CNTNAP5: variants seen among roughly 807,000 people sequenced by gnomAD.
CNTNAP5 encodes the protein contactin associated protein family member 5.
CNTNAP5 carries 72 observed loss-of-function variants against 150.2 expected under a neutral mutation model. The ratio of observed to expected loss-of-function variants is 0.48; its 90% confidence interval spans 0.40 to 0.58. The LOEUF (loss-of-function observed/expected upper bound fraction) is 0.58. CNTNAP5 is among the 20% of genes least tolerant of loss of function. The pLI is 0.00. For missense variants in CNTNAP5, 1,636 were observed against 1,626.2 expected (o/e 1.01, Z -0.10); for synonymous variants, 672 against 619.8 (o/e 1.08, Z -1.25).
intron 1 of CNTNAP5, among the ~76,000 whole-genome samples, chr2:124,081,351 A>AG (rs1205818823): frequency 1.3e-5 from 2 of 152,080 alleles, no homozygotes; most frequent in Non-Finnish European, 2.9e-5. Flanking sequence ...ATCTGTGAAC[A>AG]TTTTTCTTCC....
intron 12 of CNTNAP5, among the ~76,000 whole-genome samples, chr2:124,642,458 C>T (rs1360503130): frequency 2.6e-5 from 4 of 152,088 alleles, no homozygotes; most frequent in African/African-American, 9.7e-5. Flanking sequence ...CGAAGCCATC[C>T]AGAAGTGCTA....
At chr2:124,678,425 A>G (rs916315307) in intron 13 of CNTNAP5, among the ~76,000 whole-genome samples, 5 of 151,458 alleles carry the variant, frequency 3.3e-5, no homozygotes, top group African/African-American at 4.8e-5. Context: ...ACCTAACTAC[A>G]TGTTTCAGGT....
At chr2:124,587,465 A>C (rs1390575650) in intron 11 of CNTNAP5, among the ~76,000 whole-genome samples, 3 of 152,202 alleles carry the variant, frequency 2.0e-5, no homozygotes, top group Non-Finnish European at 4.4e-5. Context: ...AGATATATGG[A>C]GTCCAAGATA....
intron 13 of CNTNAP5, among the ~76,000 whole-genome samples, chr2:124,694,412 C>T (rs983596207): frequency 5.3e-5 from 8 of 152,102 alleles, no homozygotes; most frequent in South Asian, 4.1e-4. Flanking sequence ...GAGTCAAATA[C>T]TGAGCACCAG....
chr2:124,866,191 C>T (rs772341561), intron 20 of CNTNAP5, among the ~76,000 whole-genome samples: 9 of 151,918 alleles, frequency 5.9e-5, no homozygotes, highest in African/African-American at 7.3e-5. Flanking sequence ...AACTGGGAGG[C>T]GGAGGTTGCA....
intron 3 of CNTNAP5, among the ~76,000 whole-genome samples, chr2:124,381,707 G>A (rs554361804): frequency 6.6e-5 from 10 of 152,228 alleles, no homozygotes; most frequent in South Asian, 2.1e-4. Context: ...GGGAGAGGTC[G>A]AGCGGGACCT....
At chr2:124,645,322 T>G (rs983275921) in intron 12 of CNTNAP5, among the ~76,000 whole-genome samples, 5 of 152,218 alleles carry the variant, frequency 3.3e-5, no homozygotes, top group Non-Finnish European at 7.3e-5. Context: ...GGCTCATGTC[T>G]ATAATCCCAG....
chr2:124,692,683 T>A (rs1396546333), intron 13 of CNTNAP5, among the ~76,000 whole-genome samples: 1 of 152,100 alleles, frequency 6.6e-6, no homozygotes, highest in Admixed American at 6.6e-5. Context: ...TTCTCCCCCT[T>A]TCTTACTAAT....
At chr2:124,842,735 G>T (rs1682969625) in intron 19 of CNTNAP5, among the ~76,000 whole-genome samples, 3 of 152,080 alleles carry the variant, frequency 2.0e-5, no homozygotes, top group African/African-American at 7.2e-5. Flanking sequence ...TGGGGATTTG[G>T]TACCTGTTTA....
intron 12 of CNTNAP5, among the ~76,000 whole-genome samples, chr2:124,620,635 C>T (rs1677591855): frequency 6.6e-6 from 1 of 151,818 alleles, no homozygotes; most frequent in Admixed American, 6.6e-5. Context: ...AATCATCTAA[C>T]ATTTCTAGAT....
chr2:124,909,297 G>A (rs183084936), intron 22 of CNTNAP5, among the ~76,000 whole-genome samples: 27 of 152,202 alleles, frequency 1.8e-4, no homozygotes, highest in African/African-American at 5.5e-4. Flanking sequence ...TGTTATAGTT[G>A]CTTATAGTAT....
intron 13 of CNTNAP5, among the ~76,000 whole-genome samples, chr2:124,740,553 G>T (rs1023047327): frequency 6.6e-6 from 1 of 152,122 alleles, no homozygotes; most frequent in Non-Finnish European, 1.5e-5. Flanking sequence ...AGGGCAGATG[G>T]GAAAGACACT....
chr2:124,532,292 T>C (rs1239247186), intron 10 of CNTNAP5, among the ~76,000 whole-genome samples: 1 of 152,190 alleles, frequency 6.6e-6, no homozygotes, highest in Non-Finnish European at 1.5e-5. Context: ...TCAGATTCTT[T>C]GTAACATTTA....
chr2:124,616,443 T>G (rs1361903541), intron 12 of CNTNAP5, among the ~76,000 whole-genome samples: 1 of 152,230 alleles, frequency 6.6e-6, no homozygotes, highest in African/African-American at 2.4e-5. Context: ...GGTTAGGGCC[T>G]TGCTCTGGGT....
At chr2:124,186,838 A>T (rs1256920569) in intron 1 of CNTNAP5, among the ~76,000 whole-genome samples, 2 of 152,192 alleles carry the variant, frequency 1.3e-5, no homozygotes, top group African/African-American at 4.8e-5. Context: ...TCCCAAAGAG[A>T]TAGTACAATT....
chr2:124,305,903 T>C (rs937937754), intron 3 of CNTNAP5, among the ~76,000 whole-genome samples: 1 of 152,246 alleles, frequency 6.6e-6, no homozygotes, highest in Non-Finnish European at 1.5e-5. Context: ...AATGTTGTTT[T>C]GCCTGTGTCC....
chr2:124,697,068 A>C (rs947305110), intron 13 of CNTNAP5, among the ~76,000 whole-genome samples: 8 of 152,194 alleles, frequency 5.3e-5, no homozygotes, highest in African/African-American at 1.7e-4. Flanking sequence ...AAATCTGCTT[A>C]TACAACTCAG....
At chr2:124,055,629 G>T (rs1681825125) in intron 1 of CNTNAP5, among the ~76,000 whole-genome samples, 1 of 42,124 alleles carries the variant, frequency 2.4e-5, no homozygotes, top group African/African-American at 7.8e-5. Context: ...GAAACTGAGA[G>T]AATCCCAAGT....
intron 19 of CNTNAP5, among the ~76,000 whole-genome samples, chr2:124,858,244 A>T (rs1482322476): frequency 6.6e-6 from 1 of 152,182 alleles, no homozygotes; most frequent in South Asian, 2.1e-4. Context: ...GTATTCAATT[A>T]GGAAAAGAGG....
Sources: gnomAD v4.1 joint callset for allele counts (sites outside exome capture counted in the v4.1 genomes callset) on GRCh38, gnomAD v4.1.1 for gene constraint, MANE v1.5 for transcripts, NCBI Gene and HGNC (gene_info 2026-07-23, HGNC 2026-07-21) for gene names.